The following BHLHE23 variants were observed in gnomAD, a reference collection of about 807,000 sequenced individuals.
BHLHE23 encodes basic helix-loop-helix family member e23, also known as class E basic helix-loop-helix protein 23.
For missense variants in BHLHE23, 401 were observed against 380.0 expected (o/e 1.06, Z -0.46); for synonymous variants, 204 against 184.4 (o/e 1.11, Z -0.86).
chr20:63,006,701 C>A lies in BHLHE23; in HGVS notation c.74G>T (p.Gly25Val). 7.3e-7 allele frequency: 1 copy of A among 1,365,120 alleles called. No homozygotes were observed. 84.6% of individuals were successfully genotyped at this position (1,365,120 alleles called of 1,614,324 possible). A position where few individuals can be genotyped will look rare whatever the true frequency, so the allele number is the denominator to read the frequency against. Residue 25 changes from glycine to valine, a missense_variant, in exon 1 of 1, where the codon GGG becomes GTG. Gly to Val is a moderately radical substitution (Grantham distance 109). Transcript: ENST00000612929. ...AAMAELKSLS[G>V]DAYLALSHGY... Reference sequence around the variant, plus strand: ...GTGGCTTAGTGCCAGGTACGCGTCCCCCGACAGCGACTTGAGCTCGGCCAT... The same window carrying A: ...GTGGCTTAGTGCCAGGTACGCGTCCACCGACAGCGACTTGAGCTCGGCCAT...
chr20:63,006,163 C>T lies in BHLHE23; in HGVS notation c.612G>A (p.Gln204=), dbSNP rs1285261238. Residue 204 remains glutamine (Q), a synonymous_variant, in exon 1 of 1, where the codon CAG becomes CAA. Coordinates refer to ENST00000612929, the MANE Select transcript of BHLHE23 (RefSeq NM_080606.4). ...CTGCGGAGAAGGGGCACACAGTGGCCTGGCCGAAGGGCGTCAAGGGCGCGG... is the reference window on the plus strand; with the variant it reads ...CTGCGGAGAAGGGGCACACAGTGGCTTGGCCGAAGGGCGTCAAGGGCGCGG... ...VNAAPLTPFG[Q]ATVCPFSAGA... 6.4e-7 allele frequency: 1 copy of T among 1,557,840 alleles called. No individual in the cohort carries two copies. Among genetic ancestry groups the T allele is most frequent in the Non-Finnish European group, 8.7e-7 (1 of 1,153,656 alleles).
In BHLHE23 at chr20:63,006,137, C is replaced by A; in HGVS notation, c.638G>T (p.Gly213Val). 6.5e-7 allele frequency: 1 copy of A among 1,548,824 alleles called. No individual in the cohort carries two copies. Residue 213 changes from glycine (G) to valine (V), a missense_variant, in exon 1 of 1, where the codon GGC (glycine) becomes GTC (valine). Transcript: ENST00000612929. ...GTCAGGGCAGGGCCCCAGGGCGGCG[C>A]CTGCGGAGAAGGGGCACACAGTGGC... The part of the protein sequence containing the change: ...GQATVCPFSA[G>V]AALGPCPDKC...
Position 63,006,746 on chromosome 20 carries a change from G to C in BHLHE23, c.29C>G (p.Pro10Arg). Residue 10 changes from proline (P) to arginine (R), a missense_variant, in exon 1 of 1, where the codon CCG becomes CGG. Pro to Arg is a moderately radical substitution (Grantham distance 103). Transcript: ENST00000612929. The stretch of plus-strand genomic sequence containing the variant: ...GGCCATGGCCGCGCCGCCTGGGCTC[G>C]GGGGCTCGCCGGGTGGGCGGATGCT... The part of the protein sequence containing the change: MSIRPPGEP[P>R]SPGGAAMAEL... The C allele has an allele frequency of 2.3e-6, 3 of 1,287,408 alleles. No individual in the cohort carries two copies. The highest frequency in any genetic ancestry group is 2.9e-6 in the Non-Finnish European group (3 of 1,019,594). The allele number at this position is 1,287,408 out of a possible 1,614,324, so 79.7% of individuals were successfully genotyped here.
In BHLHE23 at chr20:63,005,994, G is replaced by A; in HGVS notation, c.*55C>T. On this transcript the variant is annotated 3_prime_UTR_variant, in exon 1 of 1. Transcript: ENST00000612929. ...CAGGCCTTTCCTGTCCGGGCAGAGAGACAGTCACAGGGGCGATCGGAGGAC... is the reference window on the plus strand; with the variant it reads ...CAGGCCTTTCCTGTCCGGGCAGAGAAACAGTCACAGGGGCGATCGGAGGAC... The A allele has an allele frequency of 1.4e-6, 2 of 1,455,324 alleles. No individual in the cohort carries two copies. The highest frequency in any genetic ancestry group is 2.3e-4 in the Middle Eastern group (1 of 4,296). The allele number at this position is 1,455,324 out of a possible 1,614,324, so 90.2% of individuals were successfully genotyped here.
At position 63,006,166 on chromosome 20, in the gene BHLHE23, G is replaced by A. The variant is rs1361481628; in HGVS notation, c.609C>T (p.Gly203=). ...CGGAGAAGGGGCACACAGTGGCCTG[G>A]CCGAAGGGCGTCAAGGGCGCGGCGT... is the stretch of plus-strand genomic sequence containing the variant. ...PVNAAPLTPF[G]QATVCPFSAG... is the part of the protein sequence containing the mutation. The change falls in exon 1 of 1, where the codon GGC becomes GGT. Residue 203 remains glycine (G), a synonymous_variant. Transcript: ENST00000612929. 1.3e-6 allele frequency: 2 copies of A among 1,560,028 alleles called. No homozygotes were observed. Among genetic ancestry groups the A allele is most frequent in the Non-Finnish European group, 8.7e-7 (1 of 1,154,934 alleles).
chr20:63,006,946 C>T lies in BHLHE23; in HGVS notation c.-172G>A, dbSNP rs2065794583. 5 of 1,122,150 alleles carry T rather than the reference C, an allele frequency of 4.5e-6. No individual in the cohort carries two copies. The highest frequency in any genetic ancestry group is 4.3e-5 in the Admixed American group (1 of 23,152). 69.5% of individuals were successfully genotyped at this position (1,122,150 alleles called of 1,614,324 possible). On this transcript the variant is annotated 5_prime_UTR_variant, in exon 1 of 1. Transcript: ENST00000612929. ...CACCTCCTCTCCCTCCCAGCCGCGACGCGCAGGGGGCGGGCTCTACCTCCC... is the reference window on the plus strand; with the variant it reads ...CACCTCCTCTCCCTCCCAGCCGCGATGCGCAGGGGGCGGGCTCTACCTCCC...
At position 63,006,042 on chromosome 20, in the gene BHLHE23, C is replaced by T. The variant is rs2065789152; in HGVS notation, c.*7G>A. On this transcript the variant is annotated 3_prime_UTR_variant, in exon 1 of 1. Transcript: ENST00000612929. ...GACGCGTGCGGGAGGGCCGGGGGCC[C>T]GCGCGGTCACGGCTTCTCGTGACAG... 6.6e-7 allele frequency: 1 copy of T among 1,505,404 alleles called. No homozygotes were observed. The allele number at this position is 1,505,404 out of a possible 1,614,324, so 93.3% of individuals were successfully genotyped here. A position where few individuals can be genotyped will look rare whatever the true frequency, so the allele number is the denominator to read the frequency against.
Position 63,006,442 on chromosome 20 carries a change from C to A in BHLHE23, c.333G>T (p.Pro111=), listed in dbSNP as rs766626635. 18 of 1,461,454 alleles carry A rather than the reference C, an allele frequency of 1.2e-5. No individual in the cohort carries two copies. The highest frequency in any genetic ancestry group is 2.8e-5 in the Admixed American group (1 of 36,360). 90.5% of individuals were successfully genotyped at this position (1,461,454 alleles called of 1,614,324 possible). ...TGAGCCGCAGAGACCGCTGCTCTCG[C>A]GGCCGCCGCCGCCCGTCCGCCGCGC... is the stretch of plus-strand genomic sequence containing the variant. The part of the protein sequence containing the change: ...PGSAADGRRR[P]REQRSLRLSI... Residue 111 remains proline, a synonymous_variant, in exon 1 of 1, where the codon CCG becomes CCT. Coordinates refer to ENST00000612929, the MANE Select transcript of BHLHE23 (RefSeq NM_080606.4).
At position 63,006,854 on chromosome 20, in the gene BHLHE23, G is replaced by A. The variant is rs982494566; in HGVS notation, c.-80C>T. On this transcript the variant is annotated 5_prime_UTR_variant, in exon 1 of 1. Transcript: ENST00000612929. ...GATGAGGCTCCCGGCTCTGCGCGTC[G>A]GTCTGGCTTGCCTGCGGGTCCCAGA... 7 of 1,224,464 alleles carry A rather than the reference G, an allele frequency of 5.7e-6. No homozygotes were observed. The highest frequency in any genetic ancestry group is 6.1e-6 in the Non-Finnish European group (6 of 982,796). The allele number at this position is 1,224,464 out of a possible 1,614,324, so 75.8% of individuals were successfully genotyped here.
Position 63,006,604 on chromosome 20 carries a change from G to T in BHLHE23, c.171C>A (p.Gly57=). 1 of 1,338,918 alleles carries T rather than the reference G, an allele frequency of 7.5e-7. No homozygotes were observed. Among genetic ancestry groups the T allele is most frequent in the East Asian group, 3.2e-5 (1 of 31,384 alleles). The allele number at this position is 1,338,918 out of a possible 1,614,324, so 82.9% of individuals were successfully genotyped here. Residue 57 remains glycine (G), a synonymous_variant, in exon 1 of 1, where the codon GGC becomes GGA. Coordinates refer to ENST00000612929, the MANE Select transcript of BHLHE23 (RefSeq NM_080606.4). ...GGAGGTCGCCGCCCGGGCCCGGAGTGCCGTAGCCGCGGGCCGCTTCGGGTT... is the reference window on the plus strand; with the variant it reads ...GGAGGTCGCCGCCCGGGCCCGGAGTTCCGTAGCCGCGGGCCGCTTCGGGTT... ...AREPEAARGY[G]TPGPGGDLPA...
Position 63,006,894 on chromosome 20 carries a change from T to G in BHLHE23, c.-120A>C, listed in dbSNP as rs2147683472. 1 of 1,220,374 alleles carries G rather than the reference T, an allele frequency of 8.2e-7. No individual in the cohort carries two copies. 75.6% of individuals were successfully genotyped at this position (1,220,374 alleles called of 1,614,324 possible). On this transcript the variant is annotated 5_prime_UTR_variant, in exon 1 of 1. Coordinates refer to ENST00000612929, the MANE Select transcript of BHLHE23 (RefSeq NM_080606.4). ...CGGGTCCCAGAGCCTCGGCGCCCGC[T>G]GCCTCCTCCGCCTCTTCCTTCTCTC...
rs1458670867 is a variant in BHLHE23, at chr20:63,006,694, C to T, written c.81G>A (p.Ala27=). The change falls in exon 1 of 1, where the codon GCG becomes GCA. Residue 27 remains alanine (A), a synonymous_variant. Transcript: ENST00000612929. ...MAELKSLSGD[A]YLALSHGYAA... The stretch of plus-strand genomic sequence containing the variant: ...CGTAGCCGTGGCTTAGTGCCAGGTA[C>T]GCGTCCCCCGACAGCGACTTGAGCT... 5.1e-6 allele frequency: 7 copies of T among 1,366,824 alleles called. No individual in the cohort carries two copies. The highest frequency in any genetic ancestry group is 3.4e-5 in the South Asian group (2 of 58,868). 84.7% of individuals were successfully genotyped at this position (1,366,824 alleles called of 1,614,324 possible).
Position 63,006,916 on chromosome 20 carries a change from T to A in BHLHE23, c.-142A>T. On this transcript the variant is annotated 5_prime_UTR_variant, in exon 1 of 1. Coordinates refer to ENST00000612929, the MANE Select transcript of BHLHE23 (RefSeq NM_080606.4). ...CGCTGCCTCCTCCGCCTCTTCCTTCTCTCCCACCTCCTCTCCCTCCCAGCC... is the reference window on the plus strand; with the variant it reads ...CGCTGCCTCCTCCGCCTCTTCCTTCACTCCCACCTCCTCTCCCTCCCAGCC... 4 of 1,197,914 alleles carry A rather than the reference T, an allele frequency of 3.3e-6. No individual in the cohort carries two copies. Among genetic ancestry groups the A allele is most frequent in the Non-Finnish European group, 4.2e-6 (4 of 959,646 alleles). The allele number at this position is 1,197,914 out of a possible 1,614,324, so 74.2% of individuals were successfully genotyped here. A position where few individuals can be genotyped will look rare whatever the true frequency, so the allele number is the denominator to read the frequency against.
chr20:63,006,908 C>T lies in BHLHE23; in HGVS notation c.-134G>A. 8.2e-7 allele frequency: 1 copy of T among 1,212,358 alleles called. No individual in the cohort carries two copies. The highest frequency in any genetic ancestry group is 4.2e-5 in the South Asian group (1 of 23,878). The allele number at this position is 1,212,358 out of a possible 1,614,324, so 75.1% of individuals were successfully genotyped here. A position where few individuals can be genotyped will look rare whatever the true frequency, so the allele number is the denominator to read the frequency against. On this transcript the variant is annotated 5_prime_UTR_variant, in exon 1 of 1. Coordinates refer to ENST00000612929, the MANE Select transcript of BHLHE23 (RefSeq NM_080606.4). Reference sequence around the variant, plus strand: ...TCGGCGCCCGCTGCCTCCTCCGCCTCTTCCTTCTCTCCCACCTCCTCTCCC... The same window carrying T: ...TCGGCGCCCGCTGCCTCCTCCGCCTTTTCCTTCTCTCCCACCTCCTCTCCC...
Position 63,006,668 on chromosome 20 carries a change from G to A in BHLHE23, c.107C>T (p.Ala36Val). 7.3e-7 allele frequency: 1 copy of A among 1,371,250 alleles called. No homozygotes were observed. The highest frequency in any genetic ancestry group is 9.4e-7 in the Non-Finnish European group (1 of 1,061,678). The allele number at this position is 1,371,250 out of a possible 1,614,324, so 84.9% of individuals were successfully genotyped here. A position where few individuals can be genotyped will look rare whatever the true frequency, so the allele number is the denominator to read the frequency against. ...DAYLALSHGYAAAAAGLAYGA... is the reference protein window; with the variant it reads ...DAYLALSHGYVAAAAGLAYGA... ...GTAGGCGAGACCCGCAGCCGCCGCC[G>A]CGTAGCCGTGGCTTAGTGCCAGGTA... The change falls in exon 1 of 1, where the codon GCG becomes GTG. Residue 36 changes from alanine to valine, a missense_variant. Ala to Val is a moderately conservative substitution (Grantham distance 64, BLOSUM62 0). Coordinates refer to ENST00000612929, the MANE Select transcript of BHLHE23 (RefSeq NM_080606.4).
Position 63,006,473 on chromosome 20 carries a change from G to C in BHLHE23, c.302C>G (p.Pro101Arg). 7.5e-7 allele frequency: 1 copy of C among 1,340,778 alleles called. No homozygotes were observed. The highest frequency in any genetic ancestry group is 9.5e-7 in the Non-Finnish European group (1 of 1,056,868). 83.1% of individuals were successfully genotyped at this position (1,340,778 alleles called of 1,614,324 possible). The part of the protein sequence containing the change: ...AFEQRRRRRG[P>R]GSAADGRRRP... ...CCGCCGCCCGTCCGCCGCGCTCCCT[G>C]GCCCGCGCCGCCGCCGCCGCTGCTC... The change falls in exon 1 of 1, where the codon CCA (proline) becomes CGA (arginine). Residue 101 changes from proline to arginine, a missense_variant. Pro to Arg is a moderately radical substitution (Grantham distance 103, BLOSUM62 -2). Transcript: ENST00000612929.
In BHLHE23 at chr20:63,006,044, C is replaced by T. The variant is rs1245009497; in HGVS notation, c.*5G>A. ...CGCGTGCGGGAGGGCCGGGGGCCCG[C>T]GCGGTCACGGCTTCTCGTGACAGTG... is the stretch of plus-strand genomic sequence containing the variant. On this transcript the variant is annotated 3_prime_UTR_variant, in exon 1 of 1. Transcript: ENST00000612929. 1.3e-6 allele frequency: 2 copies of T among 1,508,052 alleles called. No homozygotes were observed. Among genetic ancestry groups the T allele is most frequent in the Non-Finnish European group, 1.8e-6 (2 of 1,133,364 alleles). The allele number at this position is 1,508,052 out of a possible 1,614,324, so 93.4% of individuals were successfully genotyped here.
rs116829154 is a variant in BHLHE23 at position 63,006,352 on chromosome 20, G to C, written c.423C>G (p.Ala141=). 4 of 1,609,832 alleles carry C rather than the reference G, an allele frequency of 2.5e-6. No homozygotes were observed. The highest frequency in any genetic ancestry group is 2.5e-6 in the Non-Finnish European group (3 of 1,179,558). ...DLNDALDGLR[A]VIPYAHSPSV... ...ACGGGCTGTGCGCGTAGGGGATGACGGCTCGCAGCCCGTCCAGCGCGTCGT... is the reference window on the plus strand; with the variant it reads ...ACGGGCTGTGCGCGTAGGGGATGACCGCTCGCAGCCCGTCCAGCGCGTCGT... Residue 141 remains alanine (A), a synonymous_variant, in exon 1 of 1, where the codon GCC becomes GCG. Transcript: ENST00000612929.
Position 63,006,217 on chromosome 20 carries a change from C to T in BHLHE23, c.558G>A (p.Gln186=). 1 of 1,603,966 alleles carries T rather than the reference C, an allele frequency of 6.2e-7. No homozygotes were observed. Among genetic ancestry groups the T allele is most frequent in the South Asian group, 1.1e-5 (1 of 90,060 alleles). ...TTACGGGCGCGGCCAGGCCCTGGCC[C>T]TGGTTGAGGAAGGCCACCAGGCGCC... The part of the protein sequence containing the change: ...EMRRLVAFLN[Q]GQGLAAPVNA... Residue 186 remains glutamine, a synonymous_variant, in exon 1 of 1, where the codon CAG becomes CAA. Transcript: ENST00000612929.
Sources: allele counts gnomAD v4.1 joint callset, GRCh38; gene constraint gnomAD v4.1.1; transcripts MANE v1.5; gene names NCBI Gene and HGNC (gene_info 2026-07-23, HGNC 2026-07-21).